FSTL4: variants seen among roughly 807,000 people sequenced by gnomAD.
The protein encoded by FSTL4 is follistatin like 4, also known as follistatin-related protein 4.
A neutral mutation model predicts 78.2 loss-of-function variants in FSTL4; 28 were observed. That is an observed-to-expected ratio of 0.36 (90% CI 0.27 to 0.49). The LOEUF (loss-of-function observed/expected upper bound fraction) is 0.49, where lower values mean the gene tolerates loss of function less well. FSTL4 is among the 20% of genes least tolerant of loss of function. The probability of loss-of-function intolerance (pLI) is 0.98; values close to 1 mark genes in which losing one functional copy is unlikely to be tolerated. For missense variants in FSTL4, 922 were observed against 1,084.9 expected (o/e 0.85, Z 2.11); for synonymous variants, 422 against 440.5 (o/e 0.96, Z 0.53).
intron 15 of FSTL4, among the ~76,000 whole-genome samples, chr5:133,201,730 T>C (rs1431158611): frequency 2.6e-5 from 4 of 152,220 alleles, no homozygotes; most frequent in Admixed American, 6.5e-5. Flanking sequence ...TTCAGTATAA[T>C]AGAGTTATTG....
rs567313540 is a variant in FSTL4, at chr5:133,264,736, A to T, written c.728-15160T>A. On this transcript the variant is annotated intron_variant, in intron 6 of 15. Coordinates refer to ENST00000265342, the MANE Select transcript of FSTL4 (RefSeq NM_015082.2). ...TTCTTTAAATTATCTTGCAGTGAGAACCCTATCATGTCATGTATGCTTTGT... is the reference window on the plus strand; with the variant it reads ...TTCTTTAAATTATCTTGCAGTGAGATCCCTATCATGTCATGTATGCTTTGT... Among the ~76,000 whole-genome samples, 8 of 152,142 alleles carry T rather than the reference A, an allele frequency of 5.3e-5. No individual in the cohort carries two copies. In the East Asian group the frequency reaches 1.5e-3, roughly 29 times the overall value.
chr5:133,360,887 C>A lies in FSTL4; in HGVS notation c.409+39851G>T, dbSNP rs1421292732. On this transcript the variant is annotated intron_variant, in intron 4 of 15. Coordinates refer to ENST00000265342, the MANE Select transcript of FSTL4 (RefSeq NM_015082.2). ...TATCACCGTGAGTGATACTCCCTAA[C>A]GCAGGGAGCTTAATTGCCATCTTAC... Among the ~76,000 whole-genome samples, 5 of 152,178 alleles carry A rather than the reference C, an allele frequency of 3.3e-5. No individual in the cohort carries two copies. The East Asian group carries it at 9.6e-4, about 29-fold the overall frequency.
the FSTL4 span, among the ~76,000 whole-genome samples, chr5:133,801,055 C>T: frequency 2.8e-4 from 43 of 152,114 alleles, no homozygotes; most frequent in African/African-American, 9.4e-4. Flanking sequence ...CATGATTTAT[C>T]GCAGGCAGGT....
chr5:133,620,036 GAAAT>G, the FSTL4 span, among the ~76,000 whole-genome samples: 2 of 152,060 alleles, frequency 1.3e-5, no homozygotes, highest in African/African-American at 4.8e-5. Flanking sequence ...TTAATTAAAT[GAAAT>G]AAAGCATCAT....
At chr5:133,398,649 G>A (rs1428092349) in intron 4 of FSTL4, among the ~76,000 whole-genome samples, 3 of 152,210 alleles carry the variant, frequency 2.0e-5, no homozygotes, top group Non-Finnish European at 4.4e-5. Flanking sequence ...GTGCTAAGTG[G>A]TGCTTGTGCA....
chr5:133,751,942 A>T, the FSTL4 span, among the ~76,000 whole-genome samples: 1 of 152,218 alleles, frequency 6.6e-6, no homozygotes. Flanking sequence ...ACTCACTGGC[A>T]GGTCAGCAAC....
intron 7 of FSTL4, chr5:133,247,169 G>C (rs970767818): frequency 6.6e-6 from 1 of 152,256 alleles, no homozygotes; most frequent in South Asian, 2.1e-4. Context: ...GTTCTGAGAA[G>C]CACTGGGCCC....
the FSTL4 span, among the ~76,000 whole-genome samples, chr5:133,837,407 G>A: frequency 6.6e-6 from 1 of 152,038 alleles, no homozygotes; most frequent in Non-Finnish European, 1.5e-5. Flanking sequence ...TCTCCTACAG[G>A]CATTCTCTCT....
chr5:133,541,380 A>T (rs1382045340), intron 3 of FSTL4, among the ~76,000 whole-genome samples: 1 of 152,122 alleles, frequency 6.6e-6, no homozygotes, highest in East Asian at 1.9e-4. Context: ...CAGGACAGTT[A>T]GACAGTTGAC....
At chr5:133,253,403 C>T in intron 6 of FSTL4, among the ~76,000 whole-genome samples, 1 of 152,228 alleles carries the variant, frequency 6.6e-6, no homozygotes, top group East Asian at 1.9e-4. Context: ...TCAGTTTAGA[C>T]ATGGATACAA....
intron 4 of FSTL4, among the ~76,000 whole-genome samples, chr5:133,354,287 G>T (rs545386697): frequency 6.6e-6 from 1 of 152,354 alleles, no homozygotes; most frequent in East Asian, 1.9e-4. Context: ...GCATGAGCCA[G>T]CGCCATTTGG....
At chr5:133,418,374 A>T (rs556691487) in intron 3 of FSTL4, among the ~76,000 whole-genome samples, 1 of 152,158 alleles carries the variant, frequency 6.6e-6, no homozygotes, top group Non-Finnish European at 1.5e-5. Context: ...TGTAAAAAGC[A>T]TAATTCAAGA....
intron 13 of FSTL4, among the ~76,000 whole-genome samples, chr5:133,216,084 A>G (rs928206901): frequency 3.9e-5 from 6 of 152,194 alleles, no homozygotes; most frequent in Admixed American, 1.3e-4. Context: ...ACACATTGTA[A>G]ATGGTATCAC....
upstream of FSTL4, among the ~76,000 whole-genome samples, chr5:133,613,994 T>G (rs998867838): frequency 1.3e-5 from 2 of 152,164 alleles, no homozygotes; most frequent in Non-Finnish European, 2.9e-5. Flanking sequence ...GGGATGGCAC[T>G]TTTCATCTTG....
At chr5:133,344,437 G>A (rs1339363810) in intron 4 of FSTL4, among the ~76,000 whole-genome samples, 1 of 152,154 alleles carries the variant, frequency 6.6e-6, no homozygotes, top group African/African-American at 2.4e-5. Flanking sequence ...CTCATCCATG[G>A]CAGAAAGATA....
Position 133,269,544 on chromosome 5 carries a change from G to A in FSTL4, c.728-19968C>T, listed in dbSNP as rs570782539. On this transcript the variant is annotated intron_variant, in intron 6 of 15. Transcript: ENST00000265342. ...GAACATCCGTGTCTCAGGGTCTAAC[G>A]ATGGCCACATACAGGCAGCTGGACT... 2.0e-5 allele frequency among the ~76,000 whole-genome samples: 3 copies of A among 152,344 alleles called. No homozygotes were observed. The South Asian group carries it at 6.2e-4, about 32-fold the overall frequency.
intron 3 of FSTL4, among the ~76,000 whole-genome samples, chr5:133,489,943 C>T (rs774070366): frequency 2.9e-4 from 44 of 152,248 alleles, no homozygotes; most frequent in Non-Finnish European, 6.0e-4. Context: ...TCATCTCCTA[C>T]AACTCGTTCC....
chr5:133,219,820 T>C (rs544346652), intron 12 of FSTL4, among the ~76,000 whole-genome samples: 2 of 152,224 alleles, frequency 1.3e-5, no homozygotes, highest in Non-Finnish European at 2.9e-5. Flanking sequence ...TTTGTGCCAA[T>C]GTGATGGAGT....
chr5:133,239,420 C>G (rs1290184821), intron 7 of FSTL4, among the ~76,000 whole-genome samples: 1 of 152,240 alleles, frequency 6.6e-6, no homozygotes, highest in Non-Finnish European at 1.5e-5. Flanking sequence ...GCCAGCTGGG[C>G]TCCTGAGTCT....
Sources: allele counts gnomAD v4.1 joint callset (sites outside exome capture counted in the v4.1 genomes callset), GRCh38; gene constraint gnomAD v4.1.1; transcripts MANE v1.5; gene names NCBI Gene and HGNC (gene_info 2026-07-23, HGNC 2026-07-21).